RPS27A: variants seen among roughly 807,000 people sequenced by gnomAD.
The protein encoded by RPS27A is ubiquitin-ribosomal protein eS31 fusion protein.
A neutral mutation model predicts 18.9 loss-of-function variants in RPS27A; 1 was observed. The ratio of observed to expected loss-of-function variants is 0.05; its 90% CI spans 0.02 to 0.25. The LOEUF (loss-of-function observed/expected upper bound fraction) is 0.25. Ranked by LOEUF, RPS27A falls within the 10% of genes least tolerant of loss-of-function variation. RPS27A has a pLI of 1.00. For missense variants in RPS27A, 123 were observed against 187.4 expected (o/e 0.66, Z 2.01); for synonymous variants, 77 against 63.7 (o/e 1.21, Z -0.99).
At chr2:55,232,665 C>T (rs1404091035), upstream of RPS27A, 1 of 732,218 alleles carries the variant, frequency 1.4e-6, no homozygotes, top group Non-Finnish European at 2.5e-6. Context: ...CGGGAAACCC[C>T]GTGGGCCTGC....
chr2:55,234,748 G>T, intron 4 of RPS27A, 83 bp from the exon 5 acceptor site: 2 of 1,517,318 alleles, frequency 1.3e-6, no homozygotes, highest in Non-Finnish European at 1.8e-6. Context: ...TGCTGCTACT[G>T]CTTTTAATTA....
intron 3 of RPS27A, 53 bp downstream of exon 3, chr2:55,233,470 C>T (rs1675606768): frequency 1.6e-6 from 2 of 1,251,540 alleles, no homozygotes; most frequent in Non-Finnish European, 2.3e-6. Flanking sequence ...CTTCGGCCTA[C>T]CTGTAGGTGC....
chr2:55,233,865 A>G (rs1675643914), intron 3 of RPS27A: 4 of 556,610 alleles, frequency 7.2e-6, no homozygotes. Context: ...TTTCACATCA[A>G]GTGATCTGCC....
intron 2 of RPS27A, 119 bp downstream of exon 2, chr2:55,232,991 A>C: frequency 1.1e-6 from 1 of 888,588 alleles, no homozygotes; most frequent in Non-Finnish European, 1.9e-6. Context: ...TCTAAAACTT[A>C]AGCTTTGAAA....
chr2:55,233,845 G>A, intron 3 of RPS27A: 1 of 534,346 alleles, frequency 1.9e-6, no homozygotes, highest in Non-Finnish European at 3.4e-6. Context: ...GGCCAGGCTG[G>A]TTTTGAACTT....
At chr2:55,234,265 T>A in intron 4 of RPS27A, 61 bp downstream of exon 4, 1 of 1,251,458 alleles carries the variant, frequency 8.0e-7, no homozygotes, top group Non-Finnish European at 1.2e-6. Context: ...AAATTTTTTA[T>A]TTTACTTTTT....
chr2:55,232,793 T>C lies in RPS27A; in HGVS notation c.-17-15T>C, dbSNP rs751238040. On this transcript the variant is annotated splice_polypyrimidine_tract_variant and intron_variant, in intron 1 of 5. Transcript: ENST00000272317. Reference sequence around the variant, plus strand: ...TCCCTGACCTAACCTGTCTCTTCCTTTTCCTCAACCTCAGGTGGAGCCGCC... The same window carrying C: ...TCCCTGACCTAACCTGTCTCTTCCTCTTCCTCAACCTCAGGTGGAGCCGCC... 1 of 1,604,816 alleles carries C rather than the reference T, an allele frequency of 6.2e-7. No homozygotes were observed. Among genetic ancestry groups the C allele is most frequent in the Non-Finnish European group, 8.5e-7 (1 of 1,174,496 alleles).
At chr2:55,234,791 A>C in intron 4 of RPS27A, 40 bp from the exon 5 acceptor site, 1 of 1,610,602 alleles carries the variant, frequency 6.2e-7, no homozygotes. Context: ...GCCCATTCTT[A>C]GTGGAATCAT....
At chr2:55,232,677 C>A (rs1031251521), upstream of RPS27A, 1 of 765,366 alleles carries the variant, frequency 1.3e-6, no homozygotes, top group African/African-American at 1.7e-5. Flanking sequence ...TGGGCCTGCG[C>A]GGCGTTCTTC....
Position 55,234,967 on chromosome 2 carries a change from G to A in RPS27A, c.321+5G>A, listed in dbSNP as rs1345886076. The A allele has an allele frequency of 6.2e-7, 1 of 1,612,650 alleles. No individual in the cohort carries two copies. Among genetic ancestry groups the A allele is most frequent in the Non-Finnish European group, 8.5e-7 (1 of 1,179,650 alleles). Reference sequence around the variant, plus strand: ...GCTGTCCTGAAATATTATAAGGTGAGCCAGTTAAAGGGCAGAATGTCAGCA... The same window carrying A: ...GCTGTCCTGAAATATTATAAGGTGAACCAGTTAAAGGGCAGAATGTCAGCA... On this transcript the variant is annotated splice_donor_5th_base_variant and intron_variant, in intron 5 of 5. Transcript: ENST00000272317.
rs1199056564 is a variant in RPS27A, at chr2:55,234,932, G to A, written c.291G>A (p.Lys97=). Residue 97 remains lysine, a synonymous_variant, in exon 5 of 6, where the codon AAG becomes AAA. Transcript: ENST00000272317. ...TPKKNKHKRK[K]VKLAVLKYYK... is the part of the protein sequence containing the mutation. Reference sequence around the variant, plus strand: ...AGAAGAATAAGCACAAGAGAAAGAAGGTTAAGCTGGCTGTCCTGAAATATT... The same window carrying A: ...AGAAGAATAAGCACAAGAGAAAGAAAGTTAAGCTGGCTGTCCTGAAATATT... 2 of 1,613,288 alleles carry A rather than the reference G, an allele frequency of 1.2e-6. No homozygotes were observed. Among genetic ancestry groups the A allele is most frequent in the South Asian group, 1.1e-5 (1 of 91,058 alleles).
rs571119208 is a variant in RPS27A at position 55,234,298 on chromosome 2, C to T, written c.189+94C>T. ...TTTTTGAGACAGGCTCTGACTCTGT[C>T]ACCTAGGGTGGAGTGAGTGGCGCAG... On this transcript the variant is annotated intron_variant, in intron 4 of 5. Transcript: ENST00000272317. 6 of 893,338 alleles carry T rather than the reference C, an allele frequency of 6.7e-6. No individual in the cohort carries two copies. The Admixed American group carries it at 7.8e-5, about 12-fold the overall frequency. 55.3% of individuals were successfully genotyped at this position (893,338 alleles called of 1,614,324 possible).
At chr2:55,234,389 A>G (rs903141517) in intron 4 of RPS27A, 185 bp downstream of exon 4, 10 of 617,518 alleles carry the variant, frequency 1.6e-5, no homozygotes, top group South Asian at 1.2e-4. Context: ...AGTTGGAACT[A>G]TAGGCACCCG....
At chr2:55,234,084 T>C in intron 3 of RPS27A, 35 bp from the exon 4 acceptor site, 5 of 1,375,804 alleles carry the variant, frequency 3.6e-6, no homozygotes, top group Non-Finnish European at 5.2e-6. Flanking sequence ...ACAGGCTTGG[T>C]GTGCTGTGAC....
chr2:55,234,414 C>G, intron 4 of RPS27A: 1 of 598,644 alleles, frequency 1.7e-6, no homozygotes, highest in Non-Finnish European at 3.0e-6. Context: ...CATGCCCAGG[C>G]TGGTCTCAAA....
intron 1 of RPS27A, 24 bp downstream of exon 1, chr2:55,232,732 T>G: frequency 3.4e-6 from 4 of 1,175,140 alleles, no homozygotes; most frequent in Non-Finnish European, 5.0e-6. Context: ...CTTCGGCTGC[T>G]CTCGGGTTAG....
chr2:55,234,973 T>TA lies in RPS27A; in HGVS notation c.321+14dup. On this transcript the variant is annotated intron_variant, in intron 5 of 5. Coordinates refer to ENST00000272317, the MANE Select transcript of RPS27A (RefSeq NM_002954.6). Reference sequence around the variant, plus strand: ...CTGAAATATTATAAGGTGAGCCAGTTAAAGGGCAGAATGTCAGCAAAGTCT... The same window carrying TA: ...CTGAAATATTATAAGGTGAGCCAGTTAAAAGGGCAGAATGTCAGCAAAGTCT... The TA allele has an allele frequency of 6.2e-7, 1 of 1,612,546 alleles. No homozygotes were observed. Among genetic ancestry groups the TA allele is most frequent in the Non-Finnish European group, 8.5e-7 (1 of 1,179,614 alleles).
chr2:55,233,881 C>T (rs941761663), intron 3 of RPS27A: 10 of 575,216 alleles, frequency 1.7e-5, no homozygotes, highest in African/African-American at 1.5e-4. Context: ...CTGCCCACCT[C>T]GACCTCCCAA....
rs536717988 is a variant in RPS27A at position 55,232,705 on chromosome 2, T to C, written c.-21T>C. 234 of 891,712 alleles carry C rather than the reference T, an allele frequency of 2.6e-4. No individual in the cohort carries two copies. The highest frequency in any genetic ancestry group is 3.8e-4 in the Non-Finnish European group (205 of 546,104). 55.2% of individuals were successfully genotyped at this position (891,712 alleles called of 1,614,324 possible). A position where few individuals can be genotyped will look rare whatever the true frequency, so the allele number is the denominator to read the frequency against. On this transcript the variant is annotated 5_prime_UTR_variant, in exon 1 of 6. Transcript: ENST00000272317. ...CGTTCTTCCTTTTCGATCCGCCATC[T>C]GCGGTGGGTGTCTGCACTTCGGCTG... is the stretch of plus-strand genomic sequence containing the variant.
Sources: gnomAD v4.1 joint callset for allele counts on GRCh38, gnomAD v4.1.1 for gene constraint, MANE v1.5 for transcripts, NCBI Gene and HGNC (gene_info 2026-07-23, HGNC 2026-07-21) for gene names.